MICU1: variants seen among roughly 807,000 people sequenced by gnomAD.
MICU1 encodes mitochondrial calcium uptake 1, also known as calcium uptake protein 1, mitochondrial.
Under a neutral mutation model 56.8 loss-of-function variants are expected in MICU1, and 45 were observed. The observed-to-expected ratio is 0.79, with a 90% CI of 0.62 to 1.02. MICU1 has a LOEUF of 1.02. MICU1 is among the 50% of genes least tolerant of loss of function. MICU1 has a pLI of 0.00. For synonymous variants in MICU1, 186 were observed against 195.1 expected, an observed-to-expected ratio of 0.95 and a Z score of 0.39; for missense variants, 504 against 587.1, an observed-to-expected ratio of 0.86 and a Z score of 1.46.
chr10:72,549,483 G>A lies in MICU1; in HGVS notation c.493+1696C>T, dbSNP rs76436688. Among the ~76,000 whole-genome samples the A allele has an allele frequency of 3.0e-3, 459 of 152,156 alleles. 7 individuals carry two copies. The East Asian group carries it at 0.054, about 18-fold the overall frequency. On this transcript the variant is annotated intron_variant, in intron 4 of 11. Coordinates refer to ENST00000361114, the MANE Select transcript of MICU1 (RefSeq NM_001195518.2). ...TGGGATTAGAGGCATGAGCCACAGC[G>A]CCTGGCCCATCTGTTTGTATTTTTG...
chr10:72,398,404 T>C lies in MICU1; in HGVS notation c.1180+9525A>G, dbSNP rs1863337934. 2.0e-5 allele frequency among the ~76,000 whole-genome samples: 3 copies of C among 150,506 alleles called. No individual in the cohort carries two copies. The South Asian group carries it at 6.3e-4, about 32-fold the overall frequency. On this transcript the variant is annotated intron_variant, in intron 10 of 11. Transcript: ENST00000361114. ...AACTAGAGAAGCAAGAGCAAACAAA[T>C]GCAAAAGCTAGCAGAAGGCAAGAAA...
At chr10:72,435,026 CT>C (rs886164506) in intron 8 of MICU1, among the ~76,000 whole-genome samples, 1 of 103,764 alleles carries the variant, frequency 9.6e-6, no homozygotes, top group African/African-American at 2.9e-5. Context: ...ATAGGATTTA[CT>C]TTGGGCTTAG....
At chr10:72,401,604 A>G (rs2132089290) in intron 10 of MICU1, among the ~76,000 whole-genome samples, 1 of 152,358 alleles carries the variant, frequency 6.6e-6, no homozygotes, top group South Asian at 2.1e-4. Flanking sequence ...CAGTAAGCAG[A>G]CATTGTACCA....
chr10:72,475,997 T>G, intron 7 of MICU1: 2 of 415,320 alleles, frequency 4.8e-6, no homozygotes, highest in Non-Finnish European at 9.6e-6. Context: ...GAAGCTGAGG[T>G]GGGTGGATCA....
At chr10:72,543,327 T>G (rs1472342348) in intron 4 of MICU1, among the ~76,000 whole-genome samples, 1 of 152,158 alleles carries the variant, frequency 6.6e-6, no homozygotes, top group Non-Finnish European at 1.5e-5. Flanking sequence ...TATAACCATG[T>G]GAAAAATTAT....
rs575315985 is a variant in MICU1 at position 72,371,430 on chromosome 10, A to C, written c.1271-3075T>G. ...AGCCTTGCTTGGCTGAAAAGTAATG[A>C]ATAATTTGGCTTATCAAGAATGTAG... On this transcript the variant is annotated intron_variant, in intron 11 of 11. Coordinates refer to ENST00000361114, the MANE Select transcript of MICU1 (RefSeq NM_001195518.2). Among the ~76,000 whole-genome samples, 102 of 150,188 alleles carry C rather than the reference A, an allele frequency of 6.8e-4. 1 individual carries two copies. The South Asian group carries it at 0.016, about 23-fold the overall frequency.
At position 72,593,929 on chromosome 10, in the gene MICU1, G is replaced by A. The variant is rs561318173; in HGVS notation, c.-1-27135C>T. Reference sequence around the variant, plus strand: ...GGATTGGAAGACTTAATACTGTTAAGATACAATACTAGTCAAAGTGATCTA... The same window carrying A: ...GGATTGGAAGACTTAATACTGTTAAAATACAATACTAGTCAAAGTGATCTA... On this transcript the variant is annotated intron_variant, in intron 1 of 11. Coordinates refer to ENST00000361114, the MANE Select transcript of MICU1 (RefSeq NM_001195518.2). Among the ~76,000 whole-genome samples, 11 of 152,268 alleles carry A rather than the reference G, an allele frequency of 7.2e-5. No individual in the cohort carries two copies. In the East Asian group the frequency reaches 2.1e-3, roughly 29 times the overall value.
At chr10:72,402,567 AAAAAAAC>A (rs1412174791) in intron 10 of MICU1, among the ~76,000 whole-genome samples, 8 of 152,144 alleles carry the variant, frequency 5.3e-5, no homozygotes, top group Admixed American at 2.0e-4. Flanking sequence ...AGGTATATTA[AAAAAAAC>A]AAAAAACAAA....
At chr10:72,461,608 G>A (rs1168412585) in intron 8 of MICU1, among the ~76,000 whole-genome samples, 2 of 152,144 alleles carry the variant, frequency 1.3e-5, no homozygotes, top group African/African-American at 4.8e-5. Context: ...TGTATCTTAA[G>A]CATTTAGCAC....
chr10:72,412,129 C>T (rs1397578201), intron 9 of MICU1, among the ~76,000 whole-genome samples: 2 of 152,064 alleles, frequency 1.3e-5, no homozygotes, highest in Non-Finnish European at 2.9e-5. Flanking sequence ...TCCCAAAATT[C>T]TTATTTTTTT....
chr10:72,491,422 C>T lies in MICU1; in HGVS notation c.653-14166G>A, dbSNP rs574664021. On this transcript the variant is annotated intron_variant, in intron 6 of 11. Coordinates refer to ENST00000361114, the MANE Select transcript of MICU1 (RefSeq NM_001195518.2). ...ATCTGGATTTGGGACCATTGCTTTT[C>T]TTAAAAGGAGGCACTCAAAATCCTC... 2.6e-5 allele frequency among the ~76,000 whole-genome samples: 4 copies of T among 152,252 alleles called. No individual in the cohort carries two copies. In the South Asian group the frequency reaches 6.2e-4, roughly 24 times the overall value.
At chr10:72,477,078 T>C (rs1304670190) in intron 7 of MICU1, 96 bp downstream of exon 7, 1 of 852,350 alleles carries the variant, frequency 1.2e-6, no homozygotes, top group Non-Finnish European at 1.7e-6. Context: ...TGGAATAGCC[T>C]CTGAGTATAC....
At chr10:72,524,013 A>G in intron 5 of MICU1, 1 of 1,251,850 alleles carries the variant, frequency 8.0e-7, no homozygotes, top group Non-Finnish European at 1.0e-6. Context: ...ATTTGTATTT[A>G]TTATGTAAGA....
intron 3 of MICU1, among the ~76,000 whole-genome samples, chr10:72,559,855 G>T (rs933913826): frequency 6.6e-5 from 10 of 152,180 alleles, no homozygotes; most frequent in Admixed American, 5.9e-4. Flanking sequence ...ACTAAGCTCT[G>T]CCTCCTGTCA....
intron 10 of MICU1, among the ~76,000 whole-genome samples, chr10:72,386,493 T>C (rs749520088): frequency 2.0e-5 from 3 of 151,932 alleles, no homozygotes; most frequent in Non-Finnish European, 4.4e-5. Flanking sequence ...AGGGACTATC[T>C]TTTTGAAGTT....
At chr10:72,429,932 G>C (rs1411254682) in intron 8 of MICU1, among the ~76,000 whole-genome samples, 1 of 152,148 alleles carries the variant, frequency 6.6e-6, no homozygotes, top group Non-Finnish European at 1.5e-5. Flanking sequence ...AGTTAATGTG[G>C]AGAGAAATTT....
chr10:72,398,682 GA>G (rs1335451166), intron 10 of MICU1, among the ~76,000 whole-genome samples: 1 of 152,042 alleles, frequency 6.6e-6, no homozygotes, highest in Non-Finnish European at 1.5e-5. Flanking sequence ...AAATAAACTA[GA>G]AAATCTAGAA....
chr10:72,561,091 C>T (rs909291499), intron 3 of MICU1, among the ~76,000 whole-genome samples: 74 of 152,250 alleles, frequency 4.9e-4, no homozygotes, highest in African/African-American at 1.7e-3. Context: ...GAAAAGATAG[C>T]TCTTCCTCTG....
intron 1 of MICU1, among the ~76,000 whole-genome samples, chr10:72,609,194 T>G (rs1354091263): frequency 6.6e-6 from 1 of 152,178 alleles, no homozygotes; most frequent in Non-Finnish European, 1.5e-5. Context: ...AGTAGACTAA[T>G]GGTTATCAAG....
Sources: gnomAD v4.1 joint callset for allele counts (sites outside exome capture counted in the v4.1 genomes callset) on GRCh38, gnomAD v4.1.1 for gene constraint, MANE v1.5 for transcripts, NCBI Gene and HGNC (gene_info 2026-07-23, HGNC 2026-07-21) for gene names.